The following CNTNAP5 variants were observed in gnomAD, a reference collection of about 807,000 sequenced individuals.
The protein encoded by CNTNAP5 is contactin associated protein family member 5.
In CNTNAP5, 72 loss-of-function variants were observed where a neutral mutation model predicts 150.2. The ratio of observed to expected loss-of-function variants is 0.48; its 90% CI spans 0.40 to 0.58. CNTNAP5 has a LOEUF of 0.58. CNTNAP5 is among the 20% of genes least tolerant of loss of function. The probability of loss-of-function intolerance (pLI) is 0.00; values close to 1 mark genes in which losing one functional copy is unlikely to be tolerated. For missense variants in CNTNAP5, 1,636 were observed against 1,626.2 expected (o/e 1.01, Z -0.10); for synonymous variants, 672 against 619.8 (o/e 1.08, Z -1.25).
chr2:124,578,052 G>A (rs1425371370), intron 11 of CNTNAP5, among the ~76,000 whole-genome samples: 1 of 150,600 alleles, frequency 6.6e-6, no homozygotes, highest in Admixed American at 6.7e-5. Context: ...GCTCATGCCT[G>A]TAATCCCAGC....
chr2:124,532,227 GT>G (rs1464112584), intron 10 of CNTNAP5, among the ~76,000 whole-genome samples: 1 of 152,116 alleles, frequency 6.6e-6, no homozygotes, highest in South Asian at 2.1e-4. Context: ...TCACATAAAA[GT>G]TTTTTTCTTT....
chr2:124,594,930 T>G (rs1696789158), intron 11 of CNTNAP5, among the ~76,000 whole-genome samples: 1 of 97,950 alleles, frequency 1.0e-5, no homozygotes, highest in South Asian at 4.9e-4. Flanking sequence ...ATGATTTGGC[T>G]CTCTGTTTGT....
intron 1 of CNTNAP5, among the ~76,000 whole-genome samples, chr2:124,084,350 T>A (rs1682629161): frequency 6.6e-6 from 1 of 152,038 alleles, no homozygotes. Context: ...CACTTCAGCC[T>A]GGACTTCCTG....
chr2:124,681,335 T>G (rs1410238329), intron 13 of CNTNAP5, among the ~76,000 whole-genome samples: 1 of 149,478 alleles, frequency 6.7e-6, no homozygotes, highest in Non-Finnish European at 1.5e-5. Flanking sequence ...GAGACAGCCA[T>G]GTTGTGGGCA....
At chr2:124,677,814 G>C (rs996103195) in intron 13 of CNTNAP5, among the ~76,000 whole-genome samples, 1 of 151,808 alleles carries the variant, frequency 6.6e-6, no homozygotes, top group Non-Finnish European at 1.5e-5. Flanking sequence ...AGACAGAAAA[G>C]TTCTCCAAGT....
chr2:124,350,702 T>A (rs2104701917), intron 3 of CNTNAP5, among the ~76,000 whole-genome samples: 1 of 152,196 alleles, frequency 6.6e-6, no homozygotes, highest in South Asian at 2.1e-4. Context: ...TAAATCAAAT[T>A]AACAGAAATT....
chr2:124,720,191 TA>T (rs1680021533), intron 13 of CNTNAP5, among the ~76,000 whole-genome samples: 1 of 152,188 alleles, frequency 6.6e-6, no homozygotes, highest in Non-Finnish European at 1.5e-5. Context: ...ACCATTCCCA[TA>T]AACTGGGCTT....
chr2:124,532,928 G>T (rs1337903945), intron 10 of CNTNAP5, among the ~76,000 whole-genome samples: 1 of 152,066 alleles, frequency 6.6e-6, no homozygotes, highest in East Asian at 1.9e-4. Flanking sequence ...TAGTTTCCAT[G>T]GGGAGAGAAG....
intron 1 of CNTNAP5, among the ~76,000 whole-genome samples, chr2:124,161,822 C>A (rs1684686899): frequency 6.6e-6 from 1 of 152,108 alleles, no homozygotes; most frequent in South Asian, 2.1e-4. Context: ...TTAAACAGAT[C>A]TTGATGATTA....
chr2:124,858,147 G>T (rs1049461259), intron 19 of CNTNAP5, among the ~76,000 whole-genome samples: 2 of 152,128 alleles, frequency 1.3e-5, no homozygotes, highest in Admixed American at 1.3e-4. Flanking sequence ...ACTGGCACAA[G>T]ACTGGGATGC....
intron 1 of CNTNAP5, among the ~76,000 whole-genome samples, chr2:124,078,747 T>C (rs1164257397): frequency 6.6e-6 from 1 of 152,170 alleles, no homozygotes; most frequent in Admixed American, 6.5e-5. Flanking sequence ...AGACAAGGAA[T>C]TGGGTGCAGG....
At chr2:124,541,179 A>ATTTTGTTTTTTTTTTTTTTTTTTTTTTTT (rs1695373517) in intron 10 of CNTNAP5, among the ~76,000 whole-genome samples, 1 of 83,082 alleles carries the variant, frequency 1.2e-5, no homozygotes. Flanking sequence ...CAAAATTCCG[A>ATTTTGTTTTTTTTTTTTTTTTTTTTTTTT]TTTTTTTTTT....
chr2:124,350,246 A>G (rs1689844817), intron 3 of CNTNAP5, among the ~76,000 whole-genome samples: 1 of 152,160 alleles, frequency 6.6e-6, no homozygotes, highest in African/African-American at 2.4e-5. Flanking sequence ...CAGTAATAGT[A>G]TGAAAAATAT....
intron 19 of CNTNAP5, among the ~76,000 whole-genome samples, chr2:124,851,365 A>C (rs771207050): frequency 6.6e-5 from 10 of 152,324 alleles, no homozygotes; most frequent in Middle Eastern, 6.8e-3. Flanking sequence ...CAAAAAAAGA[A>C]AGAAAGTTGC....
rs936118915 is a variant in CNTNAP5 at position 124,858,267 on chromosome 2, A to C, written c.3218-7039A>C. 6.6e-5 allele frequency among the ~76,000 whole-genome samples: 10 copies of C among 152,284 alleles called. No individual in the cohort carries two copies. The East Asian group carries it at 1.4e-3, about 21-fold the overall frequency. On this transcript the variant is annotated intron_variant, in intron 19 of 23. Coordinates refer to ENST00000682447, the MANE Select transcript of CNTNAP5 (RefSeq NM_001367498.1). ...TTAGGAAAAGAGGAAGTCAAATTGT[A>C]CCTGTTTGCAGATGGCATGACTGTA...
intron 13 of CNTNAP5, among the ~76,000 whole-genome samples, chr2:124,745,465 A>G (rs1434242250): frequency 5.9e-5 from 9 of 151,990 alleles, no homozygotes; most frequent in Admixed American, 5.2e-4. Context: ...GTGATGACCC[A>G]CCTAAGCTTA....
At chr2:124,873,752 T>G (rs1212224969) in intron 21 of CNTNAP5, among the ~76,000 whole-genome samples, 1 of 152,078 alleles carries the variant, frequency 6.6e-6, no homozygotes, top group Non-Finnish European at 1.5e-5. Flanking sequence ...AACTTCACAA[T>G]TTTAGAAAAG....
chr2:124,283,682 A>G (rs553150570), intron 3 of CNTNAP5, among the ~76,000 whole-genome samples: 1 of 152,312 alleles, frequency 6.6e-6, no homozygotes, highest in East Asian at 1.9e-4. Flanking sequence ...AAAATACTAC[A>G]TACGAGGTGA....
At chr2:124,213,169 A>G (rs1686064321) in intron 1 of CNTNAP5, among the ~76,000 whole-genome samples, 1 of 151,766 alleles carries the variant, frequency 6.6e-6, no homozygotes, top group Admixed American at 6.6e-5. Context: ...TTTCATCCTC[A>G]TGATGCCACC....
Sources: allele counts gnomAD v4.1 joint callset (sites outside exome capture counted in the v4.1 genomes callset), GRCh38; gene constraint gnomAD v4.1.1; transcripts MANE v1.5; gene names NCBI Gene and HGNC (gene_info 2026-07-23, HGNC 2026-07-21).